IGSF11: variants seen among roughly 807,000 people sequenced by gnomAD.
The protein encoded by IGSF11 is CXADR like 1.
Under a neutral mutation model 41.0 loss-of-function variants are expected in IGSF11, and 22 were observed. The ratio of observed to expected loss-of-function variants is 0.54; its 90% CI spans 0.38 to 0.77. IGSF11 has a LOEUF of 0.77. IGSF11 is among the 30% of genes least tolerant of loss of function. The pLI, the probability that IGSF11 is intolerant of heterozygous loss-of-function variation, is 0.00. For missense variants in IGSF11, 444 were observed against 530.8 expected, an observed-to-expected ratio of 0.84 and a Z score of 1.61; for synonymous variants, 219 against 201.3, an observed-to-expected ratio of 1.09 and a Z score of -0.74.
chr3:118,903,013 A>G (rs746039254), intron 6 of IGSF11, 52 bp from the exon 7 acceptor site: 2 of 1,509,828 alleles, frequency 1.3e-6, no homozygotes, highest in Admixed American at 1.7e-5. Flanking sequence ...AGTTAATCCT[A>G]TCCTCCTACC....
chr3:119,046,452 T>C (rs1941357138), intron 1 of IGSF11, among the ~76,000 whole-genome samples: 1 of 151,902 alleles, frequency 6.6e-6, no homozygotes, highest in Non-Finnish European at 1.5e-5. Flanking sequence ...GAAAAAAGAA[T>C]AAAAAGAAAT....
intron 1 of IGSF11, among the ~76,000 whole-genome samples, chr3:119,046,901 T>G (rs962965311): frequency 6.9e-6 from 1 of 145,812 alleles, no homozygotes; most frequent in African/African-American, 2.5e-5. Flanking sequence ...AAACTAAGCT[T>G]CATAAGTGAA....
At chr3:118,937,470 T>A (rs1260183243) in intron 1 of IGSF11, among the ~76,000 whole-genome samples, 1 of 152,198 alleles carries the variant, frequency 6.6e-6, no homozygotes, top group African/African-American at 2.4e-5. Context: ...TCTACCTTTA[T>A]ACTTACCATA....
chr3:119,000,063 CTTTT>C (rs1297321950), intron 1 of IGSF11, among the ~76,000 whole-genome samples: 2 of 98,750 alleles, frequency 2.0e-5, no homozygotes, highest in Non-Finnish European at 4.1e-5. Context: ...ATTCATTATT[CTTTT>C]TTTTTTTTTT....
At chr3:118,962,990 C>T (rs574892604) in intron 1 of IGSF11, among the ~76,000 whole-genome samples, 27 of 152,262 alleles carry the variant, frequency 1.8e-4, no homozygotes, top group African/African-American at 6.3e-4. Context: ...TTTACAAAAG[C>T]AATTGCCAAA....
chr3:119,051,486 T>C (rs1161004044), intron 1 of IGSF11, among the ~76,000 whole-genome samples: 1 of 152,110 alleles, frequency 6.6e-6, no homozygotes, highest in African/African-American at 2.4e-5. Context: ...AAACAATTAC[T>C]ACAAGACCTA....
At chr3:119,064,224 T>C (rs184674768) in intron 1 of IGSF11, among the ~76,000 whole-genome samples, 1 of 152,354 alleles carries the variant, frequency 6.6e-6, no homozygotes, top group East Asian at 1.9e-4. Context: ...GCAGTCCATA[T>C]GGATTTAATT....
Position 118,965,015 on chromosome 3 carries a change from T to C in IGSF11, c.53-34740A>G, listed in dbSNP as rs532441523. ...GACTCCTCTTTGCCGAGAGGTTATG[T>C]ACCTTGCCCAGAGTTGACAAGAATT... On this transcript the variant is annotated intron_variant, in intron 1 of 6. Coordinates refer to ENST00000393775, the MANE Select transcript of IGSF11 (RefSeq NM_001015887.3). Among the ~76,000 whole-genome samples the C allele has an allele frequency of 1.4e-3, 213 of 152,266 alleles. 1 individual carries two copies. The highest frequency in any genetic ancestry group is 5.0e-3 in the African/African-American group (207 of 41,572).
At chr3:119,064,849 T>C (rs141796363) in intron 1 of IGSF11, among the ~76,000 whole-genome samples, 2,644 of 152,298 alleles carry the variant, frequency 0.017, 37 homozygotes, top group Non-Finnish European at 0.028. Context: ...AAAAGTTAAC[T>C]CTTATACATC....
At position 119,045,199 on chromosome 3, in the gene IGSF11, A is replaced by T. The variant is rs371861855; in HGVS notation, c.49+59945T>A. 3.3e-5 allele frequency among the ~76,000 whole-genome samples: 5 copies of T among 152,224 alleles called. No homozygotes were observed. The East Asian group carries it at 5.8e-4, about 18-fold the overall frequency. On this transcript the variant is annotated intron_variant, in intron 1 of 6. Transcript: ENST00000354673. ...CAGCTCCCAGCGTGAGCGACACAGAATATGGGTGATTTCTGCATTTCCATC... is the reference window on the plus strand; with the variant it reads ...CAGCTCCCAGCGTGAGCGACACAGATTATGGGTGATTTCTGCATTTCCATC...
chr3:119,085,337 C>G (rs925387912), intron 1 of IGSF11, among the ~76,000 whole-genome samples: 40 of 152,256 alleles, frequency 2.6e-4, no homozygotes, highest in African/African-American at 9.6e-4. Flanking sequence ...TTAACAAAGA[C>G]CCTGTACAAA....
chr3:118,934,652 T>C (rs1015821452), intron 1 of IGSF11, among the ~76,000 whole-genome samples: 4 of 152,204 alleles, frequency 2.6e-5, no homozygotes, highest in Non-Finnish European at 4.4e-5. Context: ...AGTGTGCTTG[T>C]CCAAGATCAA....
chr3:119,072,511 G>A (rs986768247), intron 1 of IGSF11, among the ~76,000 whole-genome samples: 10 of 152,158 alleles, frequency 6.6e-5, no homozygotes, highest in Non-Finnish European at 7.3e-5. Context: ...TGATGTGTCC[G>A]GAGTTTGCTC....
intron 4 of IGSF11, among the ~76,000 whole-genome samples, chr3:118,917,509 G>T (rs1325558640): frequency 7.1e-6 from 1 of 139,888 alleles, no homozygotes; most frequent in African/African-American, 2.8e-5. Context: ...AAATCTAGAA[G>T]AAATGGATAC....
At chr3:119,145,996 C>T (rs2077719358) in exon 1 of IGSF11, 2 of 584,322 alleles carry the variant, frequency 3.4e-6, no homozygotes, top group East Asian at 2.8e-5. Context: ...CTGCGCTCGC[C>T]TGCACACTGC....
upstream of IGSF11, among the ~76,000 whole-genome samples, chr3:119,105,725 G>A (rs1174822066): frequency 2.6e-5 from 4 of 152,130 alleles, no homozygotes; most frequent in Non-Finnish European, 5.9e-5. Flanking sequence ...CTTGCAAGAT[G>A]GCATTTACTG....
At chr3:119,131,719 C>G (rs2077484508) in intron 1 of IGSF11, among the ~76,000 whole-genome samples, 1 of 152,072 alleles carries the variant, frequency 6.6e-6, no homozygotes, top group Non-Finnish European at 1.5e-5. Context: ...AGATACTCCT[C>G]AAGAAGACTA....
At position 118,926,090 on chromosome 3, in the gene IGSF11, A is replaced by G; in HGVS notation, c.580+11T>C. ...TAACTAATAAAATGGGTAAAGCAGC[A>G]CTGTACATACCCTGAGTAGCTGTTG... is the stretch of plus-strand genomic sequence containing the variant. On this transcript the variant is annotated intron_variant, in intron 4 of 6. Transcript: ENST00000393775. The G allele has an allele frequency of 6.4e-7, 1 of 1,551,968 alleles. No individual in the cohort carries two copies. The highest frequency in any genetic ancestry group is 2.3e-5 in the East Asian group (1 of 43,022).
intron 1 of IGSF11, among the ~76,000 whole-genome samples, chr3:119,121,679 A>G (rs1015482561): frequency 7.2e-5 from 11 of 152,210 alleles, no homozygotes; most frequent in Admixed American, 5.9e-4. Context: ...CTGAGTTGAT[A>G]AACATAAATG....
Sources: allele counts gnomAD v4.1 joint callset (sites outside exome capture counted in the v4.1 genomes callset), GRCh38; gene constraint gnomAD v4.1.1; transcripts MANE v1.5; gene names NCBI Gene and HGNC (gene_info 2026-07-23, HGNC 2026-07-21).